Variants in PACRG observed in about 807,000 individuals in gnomAD.
The protein encoded by PACRG is parkin coregulated gene protein.
A neutral mutation model predicts 29.7 loss-of-function variants in PACRG; 29 were observed. That is an observed-to-expected ratio of 0.98 (90% confidence interval 0.73 to 1.33). PACRG has a LOEUF of 1.33. Among genes scored for constraint, PACRG ranks in the 40% most tolerant of loss-of-function variants. PACRG has a pLI of 0.00. For missense variants in PACRG, 279 were observed against 316.2 expected, an observed-to-expected ratio of 0.88 and a Z score of 0.89; for synonymous variants, 116 against 118.7, an observed-to-expected ratio of 0.98 and a Z score of 0.15.
At chr6:163,086,196 A>C (rs1475496796) in intron 3 of PACRG, among the ~76,000 whole-genome samples, 2 of 152,218 alleles carry the variant, frequency 1.3e-5, no homozygotes, top group East Asian at 3.9e-4. Context: ...TCAGTACATA[A>C]GGCTCACTAA....
At chr6:163,172,039 C>A (rs984313441) in intron 4 of PACRG, among the ~76,000 whole-genome samples, 1 of 152,176 alleles carries the variant, frequency 6.6e-6, no homozygotes, top group East Asian at 1.9e-4. Flanking sequence ...GGTCTGGCCC[C>A]GTAAGTGTGC....
intron 4 of PACRG, among the ~76,000 whole-genome samples, chr6:163,184,450 T>C (rs535303301): frequency 6.6e-6 from 1 of 152,216 alleles, no homozygotes; most frequent in Non-Finnish European, 1.5e-5. Flanking sequence ...ATTTTCAGTG[T>C]CCAATTGGAA....
chr6:163,092,401 G>A (rs1043640420), intron 4 of PACRG, among the ~76,000 whole-genome samples: 2 of 151,678 alleles, frequency 1.3e-5, no homozygotes, highest in East Asian at 3.9e-4. Flanking sequence ...ACCAATTCAG[G>A]CCCCATCTAC....
At chr6:163,108,983 T>A (rs763760449) in intron 4 of PACRG, among the ~76,000 whole-genome samples, 1 of 152,162 alleles carries the variant, frequency 6.6e-6, no homozygotes, top group African/African-American at 2.4e-5. Flanking sequence ...TTTAGATCAC[T>A]GTTTTGGCAT....
intron 3 of PACRG, among the ~76,000 whole-genome samples, chr6:163,071,114 C>G (rs1487792749): frequency 6.6e-6 from 1 of 152,082 alleles, no homozygotes; most frequent in African/African-American, 2.4e-5. Flanking sequence ...TTCAACACCC[C>G]ACTTTCTGCA....
At chr6:162,810,602 T>C (rs1786771951) in intron 1 of PACRG, among the ~76,000 whole-genome samples, 1 of 152,132 alleles carries the variant, frequency 6.6e-6, no homozygotes, top group Non-Finnish European at 1.5e-5. Flanking sequence ...ATAGACGATA[T>C]AAAGATGAAC....
intron 2 of PACRG, among the ~76,000 whole-genome samples, chr6:162,843,973 G>A (rs13210331): frequency 0.07 from 7,397 of 105,718 alleles, 151 homozygotes; most frequent in Middle Eastern, 0.094. Context: ...CTCCAGCTGC[G>A]TGCTGGGAGA....
rs576335057 is a variant in PACRG, at chr6:163,200,391, T to A, written c.613+110983T>A. On this transcript the variant is annotated intron_variant, in intron 4 of 4. Coordinates refer to ENST00000366888, the MANE Select transcript of PACRG (RefSeq NM_001080379.2). Reference sequence around the variant, plus strand: ...CACACACAGCACACTTGTCCCAATGTCTACAGGATGTTCTACTCCATGATC... The same window carrying A: ...CACACACAGCACACTTGTCCCAATGACTACAGGATGTTCTACTCCATGATC... Among the ~76,000 whole-genome samples, 3 of 152,274 alleles carry A rather than the reference T, an allele frequency of 2.0e-5. No homozygotes were observed. The South Asian group carries it at 6.2e-4, about 32-fold the overall frequency.
chr6:163,164,323 G>A (rs564621204), intron 4 of PACRG, among the ~76,000 whole-genome samples: 1 of 152,294 alleles, frequency 6.6e-6, no homozygotes, highest in Admixed American at 6.5e-5. Context: ...TTTGGTGGCT[G>A]CCAATCTCTT....
intron 3 of PACRG, among the ~76,000 whole-genome samples, chr6:163,088,355 A>G (rs1813785577): frequency 6.6e-6 from 1 of 152,140 alleles, no homozygotes; most frequent in South Asian, 2.1e-4. Flanking sequence ...TGCACTTTTG[A>G]CCTTCTATAA....
chr6:162,950,262 C>T (rs143905615), intron 2 of PACRG, among the ~76,000 whole-genome samples: 3 of 152,236 alleles, frequency 2.0e-5, no homozygotes, highest in Non-Finnish European at 4.4e-5. Flanking sequence ...CTTTGGGAGG[C>T]CGAGACGGGT....
At chr6:162,742,837 A>G (rs1367907894) in intron 1 of PACRG, among the ~76,000 whole-genome samples, 1 of 152,156 alleles carries the variant, frequency 6.6e-6, no homozygotes, top group Non-Finnish European at 1.5e-5. Context: ...TTCAAAGAGA[A>G]TAGAAAGAAG....
chr6:162,891,204 A>G (rs972167103), intron 2 of PACRG, among the ~76,000 whole-genome samples: 2 of 152,206 alleles, frequency 1.3e-5, no homozygotes, highest in African/African-American at 4.8e-5. Flanking sequence ...TTACATGGAA[A>G]GTTAGCAGCT....
chr6:162,805,927 G>A (rs768984465), intron 1 of PACRG, among the ~76,000 whole-genome samples: 1 of 152,044 alleles, frequency 6.6e-6, no homozygotes. Context: ...ATGAGGATTG[G>A]AATCATCCTT....
At chr6:163,047,754 A>G (rs1809548586) in intron 2 of PACRG, among the ~76,000 whole-genome samples, 1 of 152,210 alleles carries the variant, frequency 6.6e-6, no homozygotes, top group South Asian at 2.1e-4. Context: ...AGCCATAGAC[A>G]TGATGATTAA....
intron 4 of PACRG, among the ~76,000 whole-genome samples, chr6:163,138,537 A>C (rs907893197): frequency 2.6e-5 from 4 of 152,222 alleles, no homozygotes; most frequent in African/African-American, 4.8e-5. Flanking sequence ...TTAGATTCTC[A>C]TAAGGAGCAA....
At chr6:163,220,945 G>A (rs111607356) in intron 4 of PACRG, among the ~76,000 whole-genome samples, 1 of 152,162 alleles carries the variant, frequency 6.6e-6, no homozygotes, top group African/African-American at 2.4e-5. Flanking sequence ...TGCAACTTGG[G>A]CTCTGCATCA....
At chr6:162,987,830 C>G in intron 2 of PACRG, among the ~76,000 whole-genome samples, 1 of 152,198 alleles carries the variant, frequency 6.6e-6, no homozygotes, top group African/African-American at 2.4e-5. Context: ...CTGACTTTCT[C>G]AAATGCTGAT....
chr6:163,102,995 C>T (rs570398), intron 4 of PACRG, among the ~76,000 whole-genome samples: 59,433 of 152,036 alleles, frequency 0.39, 11,604 homozygotes, highest in East Asian at 0.52. Flanking sequence ...TTAGCACTTC[C>T]TGAGATTAAT....
Sources: allele counts gnomAD v4.1 joint callset (sites outside exome capture counted in the v4.1 genomes callset), GRCh38; gene constraint gnomAD v4.1.1; transcripts MANE v1.5; gene names NCBI Gene and HGNC (gene_info 2026-07-23, HGNC 2026-07-21).